FGF14: variants seen among roughly 807,000 people sequenced by gnomAD.
The protein encoded by FGF14 is fibroblast growth factor homologous factor 4.
In FGF14, 5 loss-of-function variants were observed where a neutral mutation model predicts 25.5. That is an observed-to-expected ratio of 0.20 (90% CI 0.10 to 0.41). The LOEUF (loss-of-function observed/expected upper bound fraction) is 0.41, where lower values mean the gene tolerates loss of function less well. Ranked by LOEUF, FGF14 falls within the 10% of genes least tolerant of loss-of-function variation. The pLI, the probability that FGF14 is intolerant of heterozygous loss-of-function variation, is 1.00. For synonymous variants in FGF14, 138 were observed against 118.3 expected, an observed-to-expected ratio of 1.17 and a Z score of -1.08; for missense variants, 222 against 320.1, an observed-to-expected ratio of 0.69 and a Z score of 2.34.
chr13:102,118,260 G>A (rs538816741), intron 1 of FGF14, among the ~76,000 whole-genome samples: 7 of 151,812 alleles, frequency 4.6e-5, no homozygotes, highest in African/African-American at 1.7e-4. Context: ...ATATACGTAT[G>A]GGATAAATAA....
At chr13:102,324,221 G>A (rs2056347221) in intron 1 of FGF14, among the ~76,000 whole-genome samples, 1 of 152,070 alleles carries the variant, frequency 6.6e-6, no homozygotes, top group Non-Finnish European at 1.5e-5. Flanking sequence ...GGAATGGAGG[G>A]AGAGAACCCT....
chr13:102,040,298 T>G (rs1259258010), intron 1 of FGF14, among the ~76,000 whole-genome samples: 2 of 152,180 alleles, frequency 1.3e-5, no homozygotes, highest in Non-Finnish European at 2.9e-5. Context: ...ATTTTACTAG[T>G]TGTAGGCGGA....
chr13:101,804,308 G>A (rs1332039450), intron 3 of FGF14, among the ~76,000 whole-genome samples: 1 of 152,120 alleles, frequency 6.6e-6, no homozygotes, highest in African/African-American at 2.4e-5. Context: ...GGAATGAAAT[G>A]GAGAAACAAA....
At chr13:102,359,275 A>G (rs555447815) in intron 1 of FGF14, among the ~76,000 whole-genome samples, 4 of 152,310 alleles carry the variant, frequency 2.6e-5, no homozygotes, top group Admixed American at 2.0e-4. Context: ...GCACACATTT[A>G]CCTACGCAAT....
At chr13:102,377,803 T>C (rs1374953734) in intron 1 of FGF14, among the ~76,000 whole-genome samples, 2 of 152,194 alleles carry the variant, frequency 1.3e-5, no homozygotes, top group African/African-American at 2.4e-5. Flanking sequence ...GGCAAAACTC[T>C]GTCTCAACAA....
At chr13:102,257,657 T>C (rs1487630882) in intron 1 of FGF14, among the ~76,000 whole-genome samples, 5 of 152,064 alleles carry the variant, frequency 3.3e-5, no homozygotes, top group African/African-American at 7.2e-5. Context: ...TTCTAACCAA[T>C]AGAGTCCCCA....
At chr13:102,002,031 T>G (rs954018476) in intron 1 of FGF14, 8 of 152,066 alleles carry the variant, frequency 5.3e-5, no homozygotes, top group African/African-American at 1.9e-4. Flanking sequence ...AATGGTTTAT[T>G]CCCAACACAG....
At chr13:102,227,115 T>C (rs2050859897) in intron 1 of FGF14, among the ~76,000 whole-genome samples, 1 of 152,150 alleles carries the variant, frequency 6.6e-6, no homozygotes, top group African/African-American at 2.4e-5. Flanking sequence ...AATGGATTCT[T>C]ATTTTTCTCA....
chr13:102,016,117 C>A (rs939808941), intron 1 of FGF14, among the ~76,000 whole-genome samples: 5 of 152,018 alleles, frequency 3.3e-5, no homozygotes, highest in African/African-American at 1.2e-4. Context: ...TACGCCAAAG[C>A]ATCATTTTAA....
At chr13:101,738,622 A>G (rs2036333820) in intron 3 of FGF14, among the ~76,000 whole-genome samples, 1 of 152,106 alleles carries the variant, frequency 6.6e-6, no homozygotes. Flanking sequence ...GACCCTGAGG[A>G]GGGGAGAATG....
At chr13:102,396,528 T>A (rs943525695) in intron 1 of FGF14, among the ~76,000 whole-genome samples, 12 of 152,158 alleles carry the variant, frequency 7.9e-5, no homozygotes, top group Non-Finnish European at 4.4e-5. Context: ...TTCACAAAAG[T>A]CTCCAATGTT....
intron 1 of FGF14, among the ~76,000 whole-genome samples, chr13:102,371,611 C>T (rs1168166306): frequency 6.6e-6 from 1 of 152,094 alleles, no homozygotes; most frequent in Non-Finnish European, 1.5e-5. Context: ...GTATGATGAG[C>T]TCCACATGGA....
At chr13:101,971,649 G>A (rs1235856735) in intron 1 of FGF14, among the ~76,000 whole-genome samples, 6 of 152,160 alleles carry the variant, frequency 3.9e-5, no homozygotes, top group African/African-American at 1.2e-4. Flanking sequence ...TGGGATTATA[G>A]GCGTGAGCCA....
chr13:102,386,257 C>T (rs970816471), intron 1 of FGF14, among the ~76,000 whole-genome samples: 1 of 151,536 alleles, frequency 6.6e-6, no homozygotes, highest in African/African-American at 2.4e-5. Flanking sequence ...CTCAGCTTCC[C>T]AAGTGGCTGG....
intron 1 of FGF14, among the ~76,000 whole-genome samples, chr13:102,228,646 A>AC (rs1345094217): frequency 1.3e-5 from 2 of 152,162 alleles, no homozygotes; most frequent in Non-Finnish European, 2.9e-5. Context: ...TATTGAAAGT[A>AC]CCCCGAGGAG....
At position 101,799,117 on chromosome 13, in the gene FGF14, C is replaced by T. The variant is rs1011657862; in HGVS notation, c.408+69608G>A. On this transcript the variant is annotated intron_variant, in intron 3 of 4. Transcript: ENST00000376143. Reference sequence around the variant, plus strand: ...ATTTTTTATGCAACATGAGTGTACACAATTGTTCAACATCTACTCAAGTCT... The same window carrying T: ...ATTTTTTATGCAACATGAGTGTACATAATTGTTCAACATCTACTCAAGTCT... Among the ~76,000 whole-genome samples, 6 of 152,186 alleles carry T rather than the reference C, an allele frequency of 3.9e-5. No homozygotes were observed. The East Asian group carries it at 5.8e-4, about 15-fold the overall frequency.
At chr13:102,099,802 T>C in intron 1 of FGF14, among the ~76,000 whole-genome samples, 1 of 152,126 alleles carries the variant, frequency 6.6e-6, no homozygotes. Flanking sequence ...TATTTGTCAG[T>C]AATATTAATA....
intron 1 of FGF14, among the ~76,000 whole-genome samples, chr13:102,121,401 A>G (rs1458784680): frequency 6.7e-6 from 1 of 149,196 alleles, no homozygotes; most frequent in Non-Finnish European, 1.5e-5. Flanking sequence ...ACCTTAGAAA[A>G]TTAGTTTTTA....
intron 1 of FGF14, among the ~76,000 whole-genome samples, chr13:102,017,479 T>C (rs529360574): frequency 6.6e-6 from 1 of 152,324 alleles, no homozygotes; most frequent in Non-Finnish European, 1.5e-5. Flanking sequence ...ATAAGTCTGC[T>C]GTCAATCTGA....
Sources: gnomAD v4.1 joint callset for allele counts (sites outside exome capture counted in the v4.1 genomes callset) on GRCh38, gnomAD v4.1.1 for gene constraint, MANE v1.5 for transcripts, NCBI Gene and HGNC (gene_info 2026-07-23, HGNC 2026-07-21) for gene names.